The following PAPPA variants were observed in gnomAD, a reference collection of about 807,000 sequenced individuals.
The protein encoded by PAPPA is pappalysin 1.
PAPPA carries 60 observed loss-of-function variants against 164.0 expected under a neutral mutation model. The ratio of observed to expected loss-of-function variants is 0.37; its 90% CI spans 0.30 to 0.45. PAPPA has a LOEUF of 0.45. PAPPA is among the 20% of genes least tolerant of loss of function. The pLI is 1.00. For missense variants in PAPPA, 1,782 were observed against 2,087.3 expected (o/e 0.85, Z 2.85); for synonymous variants, 875 against 814.1 (o/e 1.07, Z -1.27).
intron 5 of PAPPA, among the ~76,000 whole-genome samples, chr9:116,221,252 T>C (rs899488715): frequency 5.3e-5 from 8 of 152,140 alleles, no homozygotes; most frequent in African/African-American, 1.4e-4. Context: ...GTCATGAAAA[T>C]AGACCAAGGT....
At chr9:116,158,052 C>G (rs374754578) in intron 1 of PAPPA, among the ~76,000 whole-genome samples, 1 of 152,158 alleles carries the variant, frequency 6.6e-6, no homozygotes. Context: ...CTCCTCCCAC[C>G]CCTGTCCCAC....
At chr9:116,273,851 G>A (rs1441545828) in intron 9 of PAPPA, among the ~76,000 whole-genome samples, 1 of 152,160 alleles carries the variant, frequency 6.6e-6, no homozygotes, top group African/African-American at 2.4e-5. Context: ...ATAGACTGTT[G>A]TTCTCTACCA....
intron 18 of PAPPA, 117 bp downstream of exon 18, chr9:116,362,856 CAGAA>C (rs1846447847): frequency 3.2e-6 from 3 of 943,206 alleles, no homozygotes; most frequent in South Asian, 1.7e-5. Context: ...GTAGGCACTA[CAGAA>C]AGAGAGATGA....
chr9:116,216,207 T>C (rs1844369418), intron 4 of PAPPA, among the ~76,000 whole-genome samples: 1 of 152,210 alleles, frequency 6.6e-6, no homozygotes, highest in African/African-American at 2.4e-5. Context: ...AGACATTAGT[T>C]AGCTTGTTAA....
chr9:116,325,588 T>C (rs1201978492), intron 10 of PAPPA, among the ~76,000 whole-genome samples: 1 of 152,154 alleles, frequency 6.6e-6, no homozygotes, highest in Non-Finnish European at 1.5e-5. Flanking sequence ...CAAGGCCAAG[T>C]GGACAAGGGG....
rs1203712357 is a variant in PAPPA, at chr9:116,362,581, C to T, written c.4348-11C>T. ...CTCTCTTGGTCCTAACTCTGTTTCT[C>T]TGTTGTTCAGGGACTTGGGAGCAAT... On this transcript the variant is annotated splice_polypyrimidine_tract_variant and intron_variant, in intron 17 of 21. Transcript: ENST00000328252. The T allele has an allele frequency of 1.2e-6, 2 of 1,611,688 alleles. No homozygotes were observed. Among genetic ancestry groups the T allele is most frequent in the South Asian group, 2.2e-5 (2 of 90,524 alleles).
intron 8 of PAPPA, among the ~76,000 whole-genome samples, chr9:116,266,320 C>T (rs1169191120): frequency 6.6e-6 from 1 of 152,160 alleles, no homozygotes; most frequent in Non-Finnish European, 1.5e-5. Context: ...ACAGTCACAG[C>T]GTACATTCAG....
At chr9:116,202,988 G>T (rs1217933972) in intron 2 of PAPPA, among the ~76,000 whole-genome samples, 1 of 152,070 alleles carries the variant, frequency 6.6e-6, no homozygotes, top group Admixed American at 6.5e-5. Context: ...CACTGAACAG[G>T]TACGGACCCT....
chr9:116,155,142 C>A (rs956106684), intron 1 of PAPPA, among the ~76,000 whole-genome samples: 4 of 152,308 alleles, frequency 2.6e-5, no homozygotes, highest in African/African-American at 9.6e-5. Context: ...CTCACCCTCA[C>A]CCCCTCCACG....
At chr9:116,306,088 TC>T (rs1845641453) in intron 10 of PAPPA, among the ~76,000 whole-genome samples, 1 of 152,178 alleles carries the variant, frequency 6.6e-6, no homozygotes, top group Non-Finnish European at 1.5e-5. Flanking sequence ...TTCAGTTTGG[TC>T]CCACTTTCTG....
At chr9:116,201,721 G>A (rs1205774514) in intron 2 of PAPPA, among the ~76,000 whole-genome samples, 1 of 152,188 alleles carries the variant, frequency 6.6e-6, no homozygotes, top group Non-Finnish European at 1.5e-5. Context: ...AAGTGACAGG[G>A]TCAGTTGTCC....
chr9:116,382,566 T>C, intron 21 of PAPPA, 73 bp downstream of exon 21: 2 of 896,230 alleles, frequency 2.2e-6, no homozygotes, highest in Non-Finnish European at 3.8e-6. Context: ...GATCACTCCT[T>C]CATGGCTGGA....
rs1294029698 is a variant in PAPPA, at chr9:116,246,319, G to T, written c.2732+10682G>T. Reference sequence around the variant, plus strand: ...ATACACCCAGCTGGTAAAATAATGGGTTTGATGACTCTAAGCTAGGACTAT... The same window carrying T: ...ATACACCCAGCTGGTAAAATAATGGTTTTGATGACTCTAAGCTAGGACTAT... On this transcript the variant is annotated intron_variant, in intron 7 of 21. Coordinates refer to ENST00000328252, the MANE Select transcript of PAPPA (RefSeq NM_002581.5). Among the ~76,000 whole-genome samples the T allele has an allele frequency of 2.6e-5, 4 of 152,066 alleles. No homozygotes were observed. The South Asian group carries it at 8.3e-4, about 31-fold the overall frequency.
chr9:116,302,992 A>G, intron 10 of PAPPA, 42 bp downstream of exon 10: 2 of 1,563,440 alleles, frequency 1.3e-6, no homozygotes, highest in South Asian at 1.1e-5. Context: ...CAGACATTCA[A>G]AGTCTCCGCT....
chr9:116,211,324 A>G (rs1488740130), intron 3 of PAPPA, among the ~76,000 whole-genome samples: 1 of 152,218 alleles, frequency 6.6e-6, no homozygotes, highest in African/African-American at 2.4e-5. Context: ...TGGCCCAGAA[A>G]TCAGAGTTTC....
Position 116,347,477 on chromosome 9 carries a change from G to T in PAPPA, c.3964+268G>T, listed in dbSNP as rs140908479. Among the ~76,000 whole-genome samples the T allele has an allele frequency of 1.2e-3, 187 of 152,242 alleles. No homozygotes were observed. Among genetic ancestry groups the T allele is most frequent in the Non-Finnish European group, 2.1e-3 (143 of 68,014 alleles). Reference sequence around the variant, plus strand: ...AAGAAAAGAAAGAGAGGATAAAAGTGAAGAAGGGAGGGAAGAAGGAAGAGA... The same window carrying T: ...AAGAAAAGAAAGAGAGGATAAAAGTTAAGAAGGGAGGGAAGAAGGAAGAGA... On this transcript the variant is annotated intron_variant, in intron 15 of 21. Transcript: ENST00000328252. The surrounding 1 kb of genome is among the most constrained non-coding windows in gnomAD (Gnocchi z 4.5).
At chr9:116,261,178 A>G (rs935518446) in intron 7 of PAPPA, among the ~76,000 whole-genome samples, 4 of 152,250 alleles carry the variant, frequency 2.6e-5, no homozygotes, top group Non-Finnish European at 5.9e-5. Context: ...AGTGCGTAGC[A>G]TATAATAAGT....
rs193221229 is a variant in PAPPA, at chr9:116,205,277, G to A, written c.1479-2179G>A. ...ATGAATACCACTTCTTGAAAAGATT[G>A]GCTTCTGCAATTACCACTGAATAAA... On this transcript the variant is annotated intron_variant, in intron 2 of 21. Transcript: ENST00000328252. Among the ~76,000 whole-genome samples the A allele has an allele frequency of 2.6e-4, 39 of 152,102 alleles. 1 individual carries two copies. In the East Asian group the frequency reaches 6.6e-3, roughly 26 times the overall value.
chr9:116,199,084 C>T (rs1461563382), intron 2 of PAPPA, among the ~76,000 whole-genome samples: 2 of 152,008 alleles, frequency 1.3e-5, no homozygotes, highest in Non-Finnish European at 2.9e-5. Flanking sequence ...TAATAATATC[C>T]CAAAAGTCTA....
Sources: gnomAD v4.1 joint callset for allele counts (sites outside exome capture counted in the v4.1 genomes callset) on GRCh38, gnomAD v4.1.1 for gene constraint, Gnocchi (gnomAD v3.1) non-coding constraint, MANE v1.5 for transcripts, NCBI Gene and HGNC (gene_info 2026-07-23, HGNC 2026-07-21) for gene names.